The following ENAH variants were observed in gnomAD, a reference collection of about 807,000 sequenced individuals.
ENAH encodes protein enabled homolog.
Under a neutral mutation model 78.7 loss-of-function variants are expected in ENAH, and 23 were observed. The observed-to-expected ratio is 0.29, with a 90% CI of 0.21 to 0.41. ENAH has a LOEUF of 0.41. Ranked by LOEUF, ENAH falls within the 10% of genes least tolerant of loss-of-function variation. ENAH has a pLI of 1.00. For synonymous variants in ENAH, 226 were observed against 241.0 expected (o/e 0.94, Z 0.58); for missense variants, 544 against 691.0 (o/e 0.79, Z 2.39).
intron 1 of ENAH, among the ~76,000 whole-genome samples, chr1:225,591,965 G>A (rs2096879359): frequency 6.6e-6 from 1 of 152,018 alleles, no homozygotes; most frequent in African/African-American, 2.4e-5. Flanking sequence ...CCTTAAACAA[G>A]TTTTTATTTA....
intron 4 of ENAH, chr1:225,524,713 T>G: frequency 1.1e-6 from 1 of 902,442 alleles, no homozygotes; most frequent in Non-Finnish European, 1.3e-6. Flanking sequence ...GCAATTATTA[T>G]TCCCCTTTTA....
intron 1 of ENAH, among the ~76,000 whole-genome samples, chr1:225,615,659 C>G (rs151229545): frequency 0.14 from 20,617 of 150,854 alleles, 1,940 homozygotes; most frequent in East Asian, 0.37. Context: ...CCCGCCACCC[C>G]GTCTGGGATG....
chr1:225,642,131 G>A (rs1331369926), intron 1 of ENAH, among the ~76,000 whole-genome samples: 2 of 151,566 alleles, frequency 1.3e-5, no homozygotes, highest in East Asian at 1.9e-4. Flanking sequence ...AACCCAGGAG[G>A]CAGAGGTTGC....
At chr1:225,499,619 C>G (rs996309379) in intron 12 of ENAH, among the ~76,000 whole-genome samples, 4 of 151,942 alleles carry the variant, frequency 2.6e-5, no homozygotes, top group Admixed American at 1.3e-4. Flanking sequence ...CTGCAGCGAC[C>G]TGAGATTGCA....
chr1:225,577,652 T>C (rs2096794736), intron 1 of ENAH, among the ~76,000 whole-genome samples: 1 of 152,238 alleles, frequency 6.6e-6, no homozygotes, highest in Admixed American at 6.5e-5. Flanking sequence ...AAATGCAGTC[T>C]AGTATAACTG....
chr1:225,515,891 C>A (rs2096413738), intron 6 of ENAH, among the ~76,000 whole-genome samples: 1 of 152,198 alleles, frequency 6.6e-6, no homozygotes, highest in African/African-American at 2.4e-5. Flanking sequence ...CCATTTTGTA[C>A]AGTATAACTG....
chr1:225,564,282 TG>T (rs1238933917), intron 2 of ENAH, among the ~76,000 whole-genome samples: 1 of 151,648 alleles, frequency 6.6e-6, no homozygotes, highest in Non-Finnish European at 1.5e-5. Context: ...CCTGGCTAGT[TG>T]TTTGGGGTTT....
chr1:225,596,188 A>C (rs909499113), intron 1 of ENAH, among the ~76,000 whole-genome samples: 1 of 152,192 alleles, frequency 6.6e-6, no homozygotes, highest in Non-Finnish European at 1.5e-5. Flanking sequence ...TGGAAATCCC[A>C]TTGCTAGTGA....
chr1:225,544,409 T>C (rs1335403277), intron 3 of ENAH, among the ~76,000 whole-genome samples: 1 of 152,158 alleles, frequency 6.6e-6, no homozygotes, highest in Non-Finnish European at 1.5e-5. Context: ...CTGAAGTCAC[T>C]AGCTGGACAT....
rs563465174 is a variant in ENAH at position 225,627,638 on chromosome 1, T to C, written c.5+25048A>G. ...ACCCTCCTTCTATTCAGGGAGAAAA[T>C]TTTCCATACTTAATACTAAATTATC... On this transcript the variant is annotated intron_variant, in intron 1 of 13. Transcript: ENST00000366843. 3.3e-5 allele frequency among the ~76,000 whole-genome samples: 5 copies of C among 152,168 alleles called. No individual in the cohort carries two copies. In the South Asian group the frequency reaches 8.3e-4, roughly 25 times the overall value.
At chr1:225,546,136 C>A (rs963475494) in intron 3 of ENAH, among the ~76,000 whole-genome samples, 1 of 151,912 alleles carries the variant, frequency 6.6e-6, no homozygotes. Flanking sequence ...CTATGTTGCC[C>A]AGGCTGGTCT....
At chr1:225,582,364 C>A (rs1483907626) in intron 1 of ENAH, among the ~76,000 whole-genome samples, 1 of 152,120 alleles carries the variant, frequency 6.6e-6, no homozygotes, top group South Asian at 2.1e-4. Context: ...GTGAAAAGAA[C>A]GGACTAATGC....
chr1:225,613,989 A>G (rs977822588), intron 1 of ENAH, among the ~76,000 whole-genome samples: 2 of 152,080 alleles, frequency 1.3e-5, no homozygotes, highest in Non-Finnish European at 2.9e-5. Flanking sequence ...CTCTCCCCAG[A>G]GTTTAATTTG....
chr1:225,529,602 T>C (rs1024968976), intron 4 of ENAH, among the ~76,000 whole-genome samples: 2 of 152,188 alleles, frequency 1.3e-5, no homozygotes, highest in African/African-American at 2.4e-5. Flanking sequence ...AGGCTTTTTG[T>C]TCCCTCCACT....
At chr1:225,519,672 G>A in intron 4 of ENAH, 107 bp from the exon 5 acceptor site, 1 of 1,473,956 alleles carries the variant, frequency 6.8e-7, no homozygotes, top group Non-Finnish European at 9.0e-7. Context: ...TAAAAGCAAT[G>A]TAGAGCATGC....
intron 7 of ENAH, 39 bp downstream of exon 7, chr1:225,514,557 A>G (rs1367599291): frequency 7.1e-7 from 1 of 1,411,696 alleles, no homozygotes; most frequent in Non-Finnish European, 1.0e-6. Flanking sequence ...TTTAGGAAGA[A>G]TAAGACATAT....
At chr1:225,631,818 T>G (rs1048295121) in intron 1 of ENAH, among the ~76,000 whole-genome samples, 4 of 149,618 alleles carry the variant, frequency 2.7e-5, no homozygotes, top group South Asian at 2.2e-4. Context: ...GTTTTGTTTT[T>G]TTAATCCTAG....
At chr1:225,627,793 C>T (rs943509660) in intron 1 of ENAH, among the ~76,000 whole-genome samples, 23 of 152,186 alleles carry the variant, frequency 1.5e-4, no homozygotes, top group African/African-American at 5.3e-4. Flanking sequence ...ATGTAACTTT[C>T]AGACGCCTCC....
intron 1 of ENAH, among the ~76,000 whole-genome samples, chr1:225,589,988 A>C (rs375247388): frequency 6.6e-6 from 1 of 152,156 alleles, no homozygotes; most frequent in African/African-American, 2.4e-5. Flanking sequence ...TAAGTATTCT[A>C]AGAATTTTAA....
Sources: allele counts gnomAD v4.1 joint callset (sites outside exome capture counted in the v4.1 genomes callset), GRCh38; gene constraint gnomAD v4.1.1; transcripts MANE v1.5; gene names NCBI Gene and HGNC (gene_info 2026-07-23, HGNC 2026-07-21).